CBR4: variants seen among roughly 807,000 people sequenced by gnomAD.
CBR4 encodes the protein carbonyl reductase 4.
In CBR4, 22 loss-of-function variants were observed where a neutral mutation model predicts 21.0. The ratio of observed to expected loss-of-function variants is 1.05; its 90% CI spans 0.75 to 1.50. The LOEUF (loss-of-function observed/expected upper bound fraction) is 1.50. CBR4 is among the 40% of genes most tolerant of loss of function. The pLI is 0.00. For missense variants in CBR4, 302 were observed against 286.3 expected (o/e 1.05, Z -0.40); for synonymous variants, 100 against 104.4 (o/e 0.96, Z 0.26).
intron 2 of CBR4, chr4:168,914,102 G>A: frequency 2.3e-6 from 2 of 871,928 alleles, no homozygotes; most frequent in South Asian, 1.4e-5. Flanking sequence ...ATCATCATAT[G>A]ACCACAAAAG....
At chr4:168,994,309 C>CGG (rs1765074596) in intron 4 of CBR4, among the ~76,000 whole-genome samples, 1 of 152,190 alleles carries the variant, frequency 6.6e-6, no homozygotes, top group South Asian at 2.1e-4. Flanking sequence ...CGCCTTTAAG[C>CGG]GGTTTTCCAC....
intron 2 of CBR4, among the ~76,000 whole-genome samples, chr4:168,960,137 T>G (rs926619571): frequency 1.3e-5 from 2 of 152,264 alleles, no homozygotes; most frequent in African/African-American, 4.8e-5. Flanking sequence ...ATTTTCCTAT[T>G]GTTTGCTGCC....
At chr4:168,898,345 A>T in intron 2 of CBR4, 23 of 675,194 alleles carry the variant, frequency 3.4e-5, no homozygotes, top group Middle Eastern at 7.9e-4. Flanking sequence ...TTTTTGTTTC[A>T]TATGCAATTG....
chr4:168,954,062 A>G (rs1420927897), intron 2 of CBR4, among the ~76,000 whole-genome samples: 1 of 152,176 alleles, frequency 6.6e-6, no homozygotes, highest in Non-Finnish European at 1.5e-5. Flanking sequence ...AAAAAGAGAG[A>G]AAGAGAGATT....
chr4:168,973,228 GT>G (rs889984503), intron 2 of CBR4, among the ~76,000 whole-genome samples: 3 of 152,072 alleles, frequency 2.0e-5, no homozygotes, highest in African/African-American at 7.2e-5. Context: ...TTGATATGTA[GT>G]TTTTTTGTTG....
intron 3 of CBR4, among the ~76,000 whole-genome samples, 174 bp downstream of exon 3, chr4:169,006,581 G>C (rs1730928301): frequency 6.6e-6 from 1 of 152,124 alleles, no homozygotes; most frequent in Non-Finnish European, 1.5e-5. Context: ...GACTCCTATA[G>C]GGATGTGAAT....
chr4:168,905,785 T>C (rs1315176111), intron 2 of CBR4, among the ~76,000 whole-genome samples: 2 of 107,678 alleles, frequency 1.9e-5, no homozygotes, highest in Non-Finnish European at 3.8e-5. Context: ...AACTTGCTTT[T>C]TTTTCTTTTT....
At chr4:168,939,162 T>C (rs534555621) in intron 2 of CBR4, among the ~76,000 whole-genome samples, 9 of 152,294 alleles carry the variant, frequency 5.9e-5, no homozygotes, top group Admixed American at 3.9e-4. Flanking sequence ...TCAATAAACG[T>C]AATCCATCAC....
intron 1 of CBR4, among the ~76,000 whole-genome samples, chr4:169,008,238 C>A (rs138361630): frequency 0.01 from 1,568 of 152,082 alleles, 12 homozygotes; most frequent in South Asian, 0.019. Flanking sequence ...TATATTATAA[C>A]GACTATTATT....
At chr4:168,921,180 C>T (rs762005315) in intron 2 of CBR4, among the ~76,000 whole-genome samples, 20 of 151,764 alleles carry the variant, frequency 1.3e-4, no homozygotes, top group East Asian at 1.9e-4. Flanking sequence ...CTGAGGCAGG[C>T]GGATCACCTG....
At chr4:168,969,916 A>G (rs1764152924) in intron 2 of CBR4, among the ~76,000 whole-genome samples, 1 of 152,196 alleles carries the variant, frequency 6.6e-6, no homozygotes. Flanking sequence ...GGCCTGCCCT[A>G]TATCAATTGA....
At position 168,992,317 on chromosome 4, in the gene CBR4, C is replaced by G. The variant is rs536036011; in HGVS notation, c.536-1989G>C. Among the ~76,000 whole-genome samples the G allele has an allele frequency of 6.6e-5, 10 of 152,170 alleles. No homozygotes were observed. The South Asian group carries it at 2.1e-3, about 32-fold the overall frequency. ...AACTGGGAGCTAAAGAATGTGTACACATGGATGTGATCACAATGGAGATTC... is the reference window on the plus strand; with the variant it reads ...AACTGGGAGCTAAAGAATGTGTACAGATGGATGTGATCACAATGGAGATTC... On this transcript the variant is annotated intron_variant, in intron 4 of 4. Coordinates refer to ENST00000306193, the MANE Select transcript of CBR4 (RefSeq NM_032783.5).
At position 168,990,103 on chromosome 4, in the gene CBR4, A is replaced by C; in HGVS notation, c.*47T>G. On this transcript the variant is annotated 3_prime_UTR_variant, in exon 5 of 5. Transcript: ENST00000306193. ...GTATAATTGTCTAATCAGTAGCCAA[A>C]GTGTGCCCTTGATGCTAATCACCCC... 6.8e-7 allele frequency: 1 copy of C among 1,461,530 alleles called. No individual in the cohort carries two copies. Among genetic ancestry groups the C allele is most frequent in the Non-Finnish European group, 9.1e-7 (1 of 1,099,438 alleles). 90.5% of individuals were successfully genotyped at this position (1,461,530 alleles called of 1,614,324 possible). A position where few individuals can be genotyped will look rare whatever the true frequency, so the allele number is the denominator to read the frequency against.
chr4:168,958,458 A>G (rs949799559), intron 2 of CBR4, among the ~76,000 whole-genome samples: 2 of 152,204 alleles, frequency 1.3e-5, no homozygotes, highest in Admixed American at 1.3e-4. Context: ...TTGTTTATCC[A>G]TTCTCTTATT....
At chr4:168,897,793 G>A (rs980021189) in intron 2 of CBR4, among the ~76,000 whole-genome samples, 14 of 151,362 alleles carry the variant, frequency 9.2e-5, no homozygotes, top group African/African-American at 2.7e-4. Context: ...AGGATCCACC[G>A]TAATCACCAC....
chr4:168,995,034 G>C (rs1050621160), intron 4 of CBR4, among the ~76,000 whole-genome samples: 6 of 152,140 alleles, frequency 3.9e-5, no homozygotes, highest in Non-Finnish European at 7.4e-5. Flanking sequence ...GATTACAGGC[G>C]TGAGCCACCA....
chr4:168,922,531 T>C (rs1761784747), intron 2 of CBR4, among the ~76,000 whole-genome samples: 1 of 152,216 alleles, frequency 6.6e-6, no homozygotes, highest in Non-Finnish European at 1.5e-5. Context: ...ACAAGACTCC[T>C]AGTGCTCTTC....
intron 4 of CBR4, among the ~76,000 whole-genome samples, chr4:168,993,517 A>T (rs1348870856): frequency 6.6e-6 from 1 of 152,170 alleles, no homozygotes; most frequent in African/African-American, 2.4e-5. Context: ...AGCCAACAAA[A>T]GTATTTTCAA....
intron 2 of CBR4, among the ~76,000 whole-genome samples, chr4:168,978,063 AG>A (rs1401640539): frequency 2.0e-5 from 3 of 152,208 alleles, no homozygotes; most frequent in Admixed American, 2.0e-4. Context: ...AATACTTCTT[AG>A]GATAAAGTTC....
Sources: gnomAD v4.1 joint callset for allele counts (sites outside exome capture counted in the v4.1 genomes callset) on GRCh38, gnomAD v4.1.1 for gene constraint, MANE v1.5 for transcripts, NCBI Gene and HGNC (gene_info 2026-07-23, HGNC 2026-07-21) for gene names.